DNM1: variants seen among roughly 807,000 people sequenced by gnomAD.
DNM1 encodes dynamin 1, also known as dynamin-1.
A neutral mutation model predicts 104.6 loss-of-function variants in DNM1; 29 were observed. The ratio of observed to expected loss-of-function variants is 0.28; its 90% CI spans 0.21 to 0.38. DNM1 has a LOEUF of 0.38. DNM1 is among the 10% of genes least tolerant of loss of function. DNM1 has a pLI of 1.00. For missense variants in DNM1, 640 were observed against 1,189.4 expected, an observed-to-expected ratio of 0.54 and a Z score of 6.79; for synonymous variants, 445 against 475.8, an observed-to-expected ratio of 0.94 and a Z score of 0.84.
rs903119432 is a variant in DNM1, at chr9:128,254,330, G to A, written c.2535-324G>A. 9.3e-6 allele frequency: 13 copies of A among 1,402,024 alleles called. No homozygotes were observed. The highest frequency in any genetic ancestry group is 1.2e-5 in the Non-Finnish European group (13 of 1,087,392). The allele number at this position is 1,402,024 out of a possible 1,614,324, so 86.8% of individuals were successfully genotyped here. A position where few individuals can be genotyped will look rare whatever the true frequency, so the allele number is the denominator to read the frequency against. On this transcript the variant is annotated intron_variant, in intron 21 of 21. Coordinates refer to ENST00000372923, the MANE Select transcript of DNM1 (RefSeq NM_004408.4). The surrounding 1 kb of genome is among the most constrained non-coding windows in gnomAD (Gnocchi z 6.1). Reference sequence around the variant, plus strand: ...GACAGGGTGACCAGAGAAGAGGGAAGCCCGAGGGGGCCGAGCATCAGCCTG... The same window carrying A: ...GACAGGGTGACCAGAGAAGAGGGAAACCCGAGGGGGCCGAGCATCAGCCTG...
At position 128,253,306 on chromosome 9, in the gene DNM1, CCTCCCT is replaced by C; in HGVS notation, c.2535-1347_2535-1342del. 1 of 648,268 alleles carries C rather than the reference CCTCCCT, an allele frequency of 1.5e-6. No individual in the cohort carries two copies. The highest frequency in any genetic ancestry group is 2.7e-6 in the Non-Finnish European group (1 of 370,396). The allele number at this position is 648,268 out of a possible 1,614,324, so 40.2% of individuals were successfully genotyped here. A position where few individuals can be genotyped will look rare whatever the true frequency, so the allele number is the denominator to read the frequency against. On this transcript the variant is annotated intron_variant, in intron 21 of 21. Transcript: ENST00000372923. The surrounding 1 kb of genome is among the most constrained non-coding windows in gnomAD (Gnocchi z 5.9). ...TGTCCTTGTGCCGCTGGCTCTCTCA[CCTCCCT>C]TCCCTGCGAGCCTCGGGACTCAGTG...
intron 14 of DNM1, 122 bp from the exon 15 acceptor site, chr9:128,242,110 G>A: frequency 1.5e-6 from 1 of 685,646 alleles, no homozygotes; most frequent in East Asian, 2.7e-5. Flanking sequence ...CACCCTCCCT[G>A]ACTGCCAGGC....
At chr9:128,212,359 C>T (rs1050456613) in intron 1 of DNM1, among the ~76,000 whole-genome samples, 1 of 152,134 alleles carries the variant, frequency 6.6e-6, no homozygotes, top group African/African-American at 2.4e-5. Flanking sequence ...CATGTAGTCC[C>T]AGCTACTTCG....
rs1194475149 is a variant in DNM1 at position 128,222,223 on chromosome 9, A to G, written c.876A>G (p.Thr292=). The G allele has an allele frequency of 1.2e-6, 2 of 1,614,046 alleles. No homozygotes were observed. The highest frequency in any genetic ancestry group is 3.3e-5 in the Admixed American group (2 of 60,014). Residue 292 remains threonine (T), a synonymous_variant, in exon 7 of 22, where the codon ACA becomes ACG. Coordinates refer to ENST00000372923, the MANE Select transcript of DNM1 (RefSeq NM_004408.4). The surrounding 1 kb of genome is among the most constrained non-coding windows in gnomAD (Gnocchi z 7.8). Reference sequence around the variant, plus strand: ...AACTGACGAACCACATCCGGGACACACTGCCGGGGCTGCGGAACAAGCTGC... The same window carrying G: ...AACTGACGAACCACATCCGGGACACGCTGCCGGGGCTGCGGAACAAGCTGC... The part of the protein sequence containing the change: ...NQQLTNHIRD[T]LPGLRNKLQS...
At position 128,239,986 on chromosome 9, in the gene DNM1, ATGAGATT is replaced by A; in HGVS notation, c.1548_1554del (p.Glu517TrpfsTer8). The A allele has an allele frequency of 6.2e-7, 1 of 1,614,044 alleles. No homozygotes were observed. Among genetic ancestry groups the A allele is most frequent in the Non-Finnish European group, 8.5e-7 (1 of 1,180,004 alleles). ...GTTGCTATGGTTACCTCTTTGCAGG[ATGAGATT>A]CTGGTGAGTACCAGGACTGGGGCTC... On this transcript the variant is annotated frameshift_variant and splice_region_variant, in exon 14 of 22. Transcript: ENST00000372923. LOFTEE classifies it high-confidence loss of function.
chr9:128,219,968 C>G lies in DNM1; in HGVS notation c.590-20C>G, dbSNP rs901904236. 1 of 1,539,594 alleles carries G rather than the reference C, an allele frequency of 6.5e-7. No individual in the cohort carries two copies. The highest frequency in any genetic ancestry group is 8.8e-7 in the Non-Finnish European group (1 of 1,136,850). The stretch of plus-strand genomic sequence containing the variant: ...GAGAGCGGGTGCAGCTGTAGACGGC[C>G]CTCCTGCTGGTGCACCCAGGCCAGC... On this transcript the variant is annotated intron_variant, in intron 4 of 21. Transcript: ENST00000372923.
chr9:128,236,695 T>G (rs960024015), intron 11 of DNM1, among the ~76,000 whole-genome samples: 2 of 151,726 alleles, frequency 1.3e-5, no homozygotes, highest in African/African-American at 4.8e-5. Context: ...TACAAAAAAT[T>G]TAAAAAACTA....
chr9:128,242,692 G>A (rs143460558), intron 15 of DNM1, among the ~76,000 whole-genome samples: 5,131 of 152,166 alleles, frequency 0.034, 271 homozygotes, highest in African/African-American at 0.12. Flanking sequence ...CCCGGGAGGC[G>A]GAGGTTGCAG....
Position 128,229,340 on chromosome 9 carries a change from G to T in DNM1, c.1336-4681G>T, listed in dbSNP as rs548494182. 7.9e-5 allele frequency among the ~76,000 whole-genome samples: 12 copies of T among 151,042 alleles called. No individual in the cohort carries two copies. In the South Asian group the frequency reaches 2.5e-3, roughly 32 times the overall value. ...AACCAAGGAGTTCAGTTGCACCACT[G>T]CACTCCTGGGTTATTTTAGAGACCC... On this transcript the variant is annotated intron_variant, in intron 10 of 21. Transcript: ENST00000372923.
chr9:128,235,890 T>A (rs1325997626), intron 11 of DNM1, among the ~76,000 whole-genome samples: 1 of 152,058 alleles, frequency 6.6e-6, no homozygotes, highest in Non-Finnish European at 1.5e-5. Context: ...AATTTTAAAA[T>A]TTTTTTGTAG....
intron 15 of DNM1, chr9:128,244,646 C>T (rs1185226524): frequency 4.4e-6 from 2 of 450,566 alleles, no homozygotes; most frequent in Non-Finnish European, 9.4e-6. Context: ...CGCCCTGTGC[C>T]CCAACCCCCT....
chr9:128,235,631 C>T (rs1031417398), intron 11 of DNM1, among the ~76,000 whole-genome samples: 2 of 152,134 alleles, frequency 1.3e-5, no homozygotes, highest in Admixed American at 6.6e-5. Context: ...GATGAGTGTA[C>T]AAATCCCTAT....
intron 11 of DNM1, among the ~76,000 whole-genome samples, chr9:128,236,047 C>T (rs913055649): frequency 1.3e-5 from 2 of 152,154 alleles, no homozygotes; most frequent in Non-Finnish European, 2.9e-5. Flanking sequence ...GCAGTCTATC[C>T]TTGTGGTCCT....
rs757637965 is a variant in DNM1, at chr9:128,239,522, G to A, written c.1493+7G>A. The A allele has an allele frequency of 5.6e-6, 9 of 1,612,586 alleles. No homozygotes were observed. Among genetic ancestry groups the A allele is most frequent in the African/African-American group, 1.3e-5 (1 of 74,862 alleles). On this transcript the variant is annotated splice_region_variant and intron_variant, in intron 12 of 21. Coordinates refer to ENST00000372923, the MANE Select transcript of DNM1 (RefSeq NM_004408.4). ...ACTTCATAGGCTTTGCCAAGTGAGT[G>A]CTCCCCCAGGCAAAAAGTGAGTGCT...
Position 128,220,421 on chromosome 9 carries a change from G to A in DNM1, c.849+80G>A. 2 of 1,545,786 alleles carry A rather than the reference G, an allele frequency of 1.3e-6. No homozygotes were observed. The highest frequency in any genetic ancestry group is 1.1e-5 in the South Asian group (1 of 87,754). The stretch of plus-strand genomic sequence containing the variant: ...ATTAAGTGTGTTCTGAGAGTGAACA[G>A]CAGAGGTTAGCCTCTCCGTAGTGCA... On this transcript the variant is annotated intron_variant, in intron 6 of 21. Coordinates refer to ENST00000372923, the MANE Select transcript of DNM1 (RefSeq NM_004408.4). This position sits in a 1 kb window ranked among gnomAD's most constrained non-coding sequence, Gnocchi z 5.2.
rs1280943780 is a variant in DNM1 at position 128,224,353 on chromosome 9, G to A, written c.1299G>A (p.Ser433=). 17 of 1,614,050 alleles carry A rather than the reference G, an allele frequency of 1.1e-5. No individual in the cohort carries two copies. Among genetic ancestry groups the A allele is most frequent in the Non-Finnish European group, 1.4e-5 (17 of 1,179,952 alleles). The change falls in exon 10 of 22, where the codon TCG becomes TCA. Residue 433 remains serine (S), a synonymous_variant. Coordinates refer to ENST00000372923, the MANE Select transcript of DNM1 (RefSeq NM_004408.4). The surrounding 1 kb of genome is among the most constrained non-coding windows in gnomAD (Gnocchi z 4.3). ...TCAAGTGTGTGGACATGGTTATCTCGGAGCTAATCAGCACCGTTAGACAGT... is the reference window on the plus strand; with the variant it reads ...TCAAGTGTGTGGACATGGTTATCTCAGAGCTAATCAGCACCGTTAGACAGT... The part of the protein sequence containing the change: ...PCLKCVDMVI[S]ELISTVRQCT...
intron 10 of DNM1, among the ~76,000 whole-genome samples, chr9:128,231,528 A>G (rs1250296605): frequency 6.6e-6 from 1 of 152,024 alleles, no homozygotes; most frequent in East Asian, 1.9e-4. Context: ...GGTTTAGTGG[A>G]TCATAATTAT....
Position 128,243,141 on chromosome 9 carries a change from C to T in DNM1, c.1671+796C>T, listed in dbSNP as rs948937152. Among the ~76,000 whole-genome samples the T allele has an allele frequency of 6.6e-6, 1 of 152,096 alleles. No homozygotes were observed. Among genetic ancestry groups the T allele is most frequent in the African/African-American group, 2.4e-5 (1 of 41,396 alleles). On this transcript the variant is annotated intron_variant, in intron 15 of 21. Coordinates refer to ENST00000372923, the MANE Select transcript of DNM1 (RefSeq NM_004408.4). This position sits in a 1 kb window ranked among gnomAD's most constrained non-coding sequence, Gnocchi z 4.0. Reference sequence around the variant, plus strand: ...AGGGGCAAGGAGTGTGGGGGCCCTGCCGAGGTGCCACAAAAAACCCCTCCC... The same window carrying T: ...AGGGGCAAGGAGTGTGGGGGCCCTGTCGAGGTGCCACAAAAAACCCCTCCC...
chr9:128,227,680 C>T (rs1835429790), intron 10 of DNM1, among the ~76,000 whole-genome samples: 1 of 152,280 alleles, frequency 6.6e-6, no homozygotes, highest in East Asian at 1.9e-4. Flanking sequence ...CCACGCTCAG[C>T]CAGTCTCATG....
Sources: allele counts gnomAD v4.1 joint callset (sites outside exome capture counted in the v4.1 genomes callset), GRCh38; gene constraint gnomAD v4.1.1; non-coding constraint Gnocchi (gnomAD v3.1); transcripts MANE v1.5; gene names NCBI Gene and HGNC (gene_info 2026-07-23, HGNC 2026-07-21).